Variants in SYNE2 observed in about 807,000 individuals in gnomAD.
SYNE2 encodes the protein spectrin repeat containing nuclear envelope protein 2.
A neutral mutation model predicts 856.3 loss-of-function variants in SYNE2; 431 were observed. The observed-to-expected ratio is 0.50, with a 90% CI of 0.47 to 0.55. SYNE2 has a LOEUF of 0.55. Among genes scored for constraint, SYNE2 ranks in the 20% least tolerant of loss-of-function variants. The probability of loss-of-function intolerance (pLI) is 0.00; values close to 1 mark genes in which losing one functional copy is unlikely to be tolerated. For synonymous variants in SYNE2, 2,923 were observed against 2,872.3 expected, an observed-to-expected ratio of 1.02 and a Z score of -0.56; for missense variants, 8,129 against 8,023.2, an observed-to-expected ratio of 1.01 and a Z score of -0.50.
intron 1 of SYNE2, among the ~76,000 whole-genome samples, chr14:63,858,861 T>G (rs1393568838): frequency 6.6e-6 from 1 of 152,214 alleles, no homozygotes; most frequent in Non-Finnish European, 1.5e-5. Flanking sequence ...AATTTATTCT[T>G]TATGGATTGT....
chr14:63,934,937 G>A (rs2095811412), intron 2 of SYNE2, among the ~76,000 whole-genome samples: 1 of 151,964 alleles, frequency 6.6e-6, no homozygotes, highest in Non-Finnish European at 1.5e-5. Flanking sequence ...AGTGTACAGT[G>A]TGTGCATATA....
intron 52 of SYNE2, 53 bp from the exon 53 acceptor site, chr14:64,073,915 A>G: frequency 6.3e-7 from 1 of 1,577,552 alleles, no homozygotes; most frequent in Non-Finnish European, 8.7e-7. Context: ...GTTTCATTTT[A>G]TTCATAGAAG....
rs2095579265 is a variant in SYNE2 at position 63,919,981 on chromosome 14, T to TG, written c.79+10754_79+10755insG. Among the ~76,000 whole-genome samples the TG allele has an allele frequency of 4.0e-5, 6 of 151,152 alleles. 1 individual carries two copies. In the South Asian group the frequency reaches 1.3e-3, roughly 32 times the overall value. On this transcript the variant is annotated intron_variant, in intron 2 of 115. Coordinates refer to ENST00000555002, the MANE Select transcript of SYNE2 (RefSeq NM_182914.3). ...ACATGATAAAAGGTAAGTTTTTTTT[T>TG]TTTTTTTTTTAAGGTAAGAGGTACT...
chr14:64,119,442 A>G lies in SYNE2; in HGVS notation c.12856A>G (p.Ile4286Val), dbSNP rs763081757. ...LVGCQAMLTE[I>V]EHKVAFLLET... ...TATTTCCTAGGCTATGCTAACAGAG[A>G]TTGAGCACAAGGTTGCCTTTCTGTT... The change falls in exon 67 of 116, where the codon ATT becomes GTT. Residue 4286 changes from isoleucine to valine, a missense_variant. Ile to Val is a conservative substitution (Grantham distance 29). Around this residue, in one of 3 missense-constraint regions of SYNE2, gnomAD observed 5,410 missense variants for 5,284.8 expected, o/e 1.02. Transcript: ENST00000555002. The G allele has an allele frequency of 6.2e-7, 1 of 1,614,088 alleles. No individual in the cohort carries two copies. The highest frequency in any genetic ancestry group is 1.3e-5 in the African/African-American group (1 of 74,946).
chr14:64,013,563 A>G (rs922076708), intron 32 of SYNE2, among the ~76,000 whole-genome samples: 1 of 152,102 alleles, frequency 6.6e-6, no homozygotes, highest in Non-Finnish European at 1.5e-5. Context: ...TCCCACTTAT[A>G]AGTGAGACCA....
intron 95 of SYNE2, among the ~76,000 whole-genome samples, chr14:64,176,087 C>G (rs1235924010): frequency 1.3e-5 from 2 of 152,176 alleles, no homozygotes; most frequent in Non-Finnish European, 2.9e-5. Context: ...GAGAGGTTAC[C>G]ATAGACTGAG....
At position 64,221,720 on chromosome 14, in the gene SYNE2, A is replaced by T; in HGVS notation, c.20190+16A>T. 6.2e-7 allele frequency: 1 copy of T among 1,613,248 alleles called. No homozygotes were observed. The highest frequency in any genetic ancestry group is 8.5e-7 in the Non-Finnish European group (1 of 1,179,522). On this transcript the variant is annotated intron_variant, in intron 112 of 115. Coordinates refer to ENST00000555002, the MANE Select transcript of SYNE2 (RefSeq NM_182914.3). ...GGAACTAATGGTAAGTTTCCTCCCA[A>T]GGGCTCTGTACTGCCACCAGCCTCT...
At chr14:63,766,788 G>C (rs1330187857) in intron 1 of SYNE2, among the ~76,000 whole-genome samples, 1 of 152,150 alleles carries the variant, frequency 6.6e-6, no homozygotes, top group Non-Finnish European at 1.5e-5. Flanking sequence ...CCTCTCTGGG[G>C]AGAGAGGGAC....
intron 51 of SYNE2, among the ~76,000 whole-genome samples, chr14:64,067,615 T>A (rs954739938): frequency 3.9e-5 from 6 of 152,330 alleles, no homozygotes; most frequent in African/African-American, 1.4e-4. Flanking sequence ...AACATAATAA[T>A]CCAGTGTTTA....
intron 1 of SYNE2, among the ~76,000 whole-genome samples, chr14:63,784,689 A>T (rs1887446863): frequency 6.6e-6 from 1 of 151,012 alleles, no homozygotes; most frequent in Non-Finnish European, 1.5e-5. Flanking sequence ...AAAATAGTTT[A>T]TGCTGAGTGA....
In SYNE2 at chr14:64,052,239, C is replaced by G; in HGVS notation, c.8326C>G (p.Leu2776Val). The change falls in exon 48 of 116, where the codon CTA becomes GTA. Residue 2776 changes from leucine (L) to valine (V), a missense_variant. Leu to Val is a conservative substitution (Grantham distance 32). Around this residue, in one of 3 missense-constraint regions of SYNE2, gnomAD observed 5,410 missense variants for 5,284.8 expected, o/e 1.02. Transcript: ENST00000555002. ...GTGCAAAGTGACACATGATGGCATT[C>G]TAGCTAGGCAGCAGTCTGTGGAATC... ...RKCKVTHDGI[L>V]ARQQSVESLA... 4 of 1,614,204 alleles carry G rather than the reference C, an allele frequency of 2.5e-6. No individual in the cohort carries two copies. The highest frequency in any genetic ancestry group is 2.2e-5 in the South Asian group (2 of 91,082).
chr14:63,978,085 G>C (rs1039364756), intron 13 of SYNE2, 68 bp downstream of exon 13: 1 of 1,008,766 alleles, frequency 9.9e-7, no homozygotes, highest in Non-Finnish European at 1.6e-6. Context: ...ATACTACAGG[G>C]ACCACAAAAT....
chr14:63,882,075 T>G (rs1566698587), intron 1 of SYNE2, among the ~76,000 whole-genome samples: 1 of 152,180 alleles, frequency 6.6e-6, no homozygotes, highest in East Asian at 1.9e-4. Flanking sequence ...AGCTCTGTGA[T>G]GCAGGTGGAG....
intron 1 of SYNE2, among the ~76,000 whole-genome samples, chr14:63,907,390 C>T (rs1322614104): frequency 6.6e-6 from 1 of 152,164 alleles, no homozygotes; most frequent in Non-Finnish European, 1.5e-5. Context: ...GTCTTGGCTC[C>T]ATCATTTATT....
rs780648179 is a variant in SYNE2 at position 64,190,212 on chromosome 14, C to A, written c.18013C>A (p.His6005Asn). ...KLNKINDRWQ[H>N]LFDVIGSRVK... is the part of the protein sequence containing the mutation. ...CAACAAAATTAACGATCGTTGGCAA[C>A]ATCTTTTTGATGTCATCGGATCAAG... Residue 6005 changes from histidine (H) to asparagine (N), a missense_variant, in exon 99 of 116, where the codon CAT becomes AAT. Coordinates refer to ENST00000555002, the MANE Select transcript of SYNE2 (RefSeq NM_182914.3). 28 of 1,613,922 alleles carry A rather than the reference C, an allele frequency of 1.7e-5. No individual in the cohort carries two copies. The highest frequency in any genetic ancestry group is 2.4e-5 in the Non-Finnish European group (28 of 1,180,030).
At chr14:64,099,581 G>T in intron 63 of SYNE2, 1 of 152,206 alleles carries the variant, frequency 6.6e-6, no homozygotes, top group East Asian at 1.9e-4. Context: ...CCCCTTCATG[G>T]CAGAGAGAAC....
At chr14:64,138,765 C>T (rs528132226) in intron 79 of SYNE2, among the ~76,000 whole-genome samples, 65 of 152,242 alleles carry the variant, frequency 4.3e-4, no homozygotes, top group African/African-American at 1.5e-3. Context: ...ATTTAAACAT[C>T]ATTCTCATCC....
chr14:64,101,459 A>G (rs112631791), intron 63 of SYNE2, among the ~76,000 whole-genome samples: 28 of 152,172 alleles, frequency 1.8e-4, no homozygotes, highest in African/African-American at 4.6e-4. Flanking sequence ...GTATTTTTAA[A>G]TATTTATTTA....
intron 1 of SYNE2, among the ~76,000 whole-genome samples, chr14:63,763,667 T>C (rs957927628): frequency 1.3e-5 from 2 of 152,016 alleles, no homozygotes; most frequent in African/African-American, 4.8e-5. Context: ...CTGGGCAACA[T>C]AGCAAGACCT....
Sources: allele counts gnomAD v4.1 joint callset (sites outside exome capture counted in the v4.1 genomes callset), GRCh38; gene constraint gnomAD v4.1.1; regional missense constraint gnomAD v4.1.1; transcripts MANE v1.5; gene names NCBI Gene and HGNC (gene_info 2026-07-23, HGNC 2026-07-21).